Variants in RGL1 observed in about 807,000 individuals in gnomAD.
The protein encoded by RGL1 is ral guanine nucleotide dissociation stimulator-like 1.
A neutral mutation model predicts 95.2 loss-of-function variants in RGL1; 24 were observed. That is an observed-to-expected ratio of 0.25 (90% CI 0.18 to 0.35). The LOEUF (loss-of-function observed/expected upper bound fraction) is 0.35, where lower values mean the gene tolerates loss of function less well. Among genes scored for constraint, RGL1 ranks in the 10% least tolerant of loss-of-function variants. The pLI is 1.00. For missense variants in RGL1, 715 were observed against 936.3 expected (o/e 0.76, Z 3.08); for synonymous variants, 329 against 344.9 (o/e 0.95, Z 0.51).
At chr1:183,769,430 T>G (rs1926835) in intron 2 of RGL1, among the ~76,000 whole-genome samples, 5 of 152,208 alleles carry the variant, frequency 3.3e-5, no homozygotes, top group Admixed American at 6.5e-5. Context: ...ACTTTTATCT[T>G]ACCAATAATT....
At chr1:183,858,469 G>A (rs1193656856) in intron 3 of RGL1, among the ~76,000 whole-genome samples, 25 of 152,136 alleles carry the variant, frequency 1.6e-4, no homozygotes. Flanking sequence ...ATGAATGAGA[G>A]GTGGGCACTG....
At chr1:183,741,986 G>A in intron 1 of RGL1, 2 of 578,032 alleles carry the variant, frequency 3.5e-6, no homozygotes, top group East Asian at 2.9e-5. Context: ...ATATAAAAGT[G>A]GCCATAAAAG....
chr1:183,865,610 A>G (rs1286765859), intron 3 of RGL1, among the ~76,000 whole-genome samples: 1 of 152,202 alleles, frequency 6.6e-6, no homozygotes, highest in African/African-American at 2.4e-5. Flanking sequence ...TCCCTTGCAT[A>G]GACATGCAGA....
chr1:183,741,565 A>G (rs1451419196), intron 1 of RGL1, among the ~76,000 whole-genome samples: 2 of 152,250 alleles, frequency 1.3e-5, no homozygotes, highest in Non-Finnish European at 2.9e-5. Flanking sequence ...TTCAGACACT[A>G]CGTTGTAATA....
chr1:183,766,489 A>G (rs550987935), intron 2 of RGL1, among the ~76,000 whole-genome samples: 1 of 152,320 alleles, frequency 6.6e-6, no homozygotes, highest in East Asian at 1.9e-4. Flanking sequence ...CTTTGTACCC[A>G]TATCAAGTTT....
intron 3 of RGL1, among the ~76,000 whole-genome samples, chr1:183,857,198 G>T (rs944804562): frequency 1.3e-5 from 2 of 152,296 alleles, no homozygotes; most frequent in South Asian, 2.1e-4. Context: ...TAGATGCTAT[G>T]TTGCTGGCTT....
chr1:183,887,138 C>G (rs1046755613), intron 7 of RGL1, among the ~76,000 whole-genome samples: 1 of 63,766 alleles, frequency 1.6e-5, no homozygotes, highest in Non-Finnish European at 3.4e-5. Context: ...CAGAACATTT[C>G]TCTTGTTCTC....
intron 5 of RGL1, among the ~76,000 whole-genome samples, chr1:183,882,728 G>C (rs1384392117): frequency 6.6e-6 from 1 of 152,174 alleles, no homozygotes; most frequent in Non-Finnish European, 1.5e-5. Context: ...CTGCCCTAAA[G>C]GGGAAGTGGT....
At chr1:183,727,842 G>A (rs1050127705) in intron 1 of RGL1, among the ~76,000 whole-genome samples, 16 of 152,158 alleles carry the variant, frequency 1.1e-4, no homozygotes, top group East Asian at 3.8e-4. Flanking sequence ...ATTTGCAATA[G>A]CATCTCAAAG....
chr1:183,684,768 A>T (rs898912386), intron 1 of RGL1, among the ~76,000 whole-genome samples: 7 of 152,168 alleles, frequency 4.6e-5, no homozygotes, highest in African/African-American at 1.7e-4. Context: ...ACCATGGGAA[A>T]AGCGTAGTGT....
Position 183,651,022 on chromosome 1 carries a change from A to G in RGL1, c.-33+14521A>G, listed in dbSNP as rs565226718. Among the ~76,000 whole-genome samples, 6 of 152,320 alleles carry G rather than the reference A, an allele frequency of 3.9e-5. No individual in the cohort carries two copies. The East Asian group carries it at 1.2e-3, about 29-fold the overall frequency. On this transcript the variant is annotated intron_variant, in intron 1 of 18. Coordinates refer to the RGL1 transcript ENST00000304685. ...TGCAAGACATTTTTATGCATCAAGA[A>G]TATTAAATCTGCCACATTTGCTGCT... is the stretch of plus-strand genomic sequence containing the variant.
At chr1:183,763,447 G>A (rs1302782625) in intron 2 of RGL1, among the ~76,000 whole-genome samples, 1 of 152,136 alleles carries the variant, frequency 6.6e-6, no homozygotes, top group Non-Finnish European at 1.5e-5. Context: ...AAAACAAGCT[G>A]CCTATACTTT....
chr1:183,828,624 A>G (rs956535966), intron 2 of RGL1, among the ~76,000 whole-genome samples: 9 of 152,198 alleles, frequency 5.9e-5, no homozygotes, highest in African/African-American at 2.2e-4. Flanking sequence ...TTTGAGCCTC[A>G]GTGTCCTCAT....
At chr1:183,818,155 C>T (rs910820905) in intron 2 of RGL1, among the ~76,000 whole-genome samples, 5 of 152,116 alleles carry the variant, frequency 3.3e-5, no homozygotes, top group African/African-American at 1.2e-4. Context: ...AGTGCCCAAC[C>T]CCAACCTGAA....
At chr1:183,651,113 AC>A (rs1358280588) in intron 1 of RGL1, among the ~76,000 whole-genome samples, 1 of 152,154 alleles carries the variant, frequency 6.6e-6, no homozygotes, top group Admixed American at 6.5e-5. Context: ...ACCAAATTTT[AC>A]ATTTTTATGT....
intron 2 of RGL1, among the ~76,000 whole-genome samples, chr1:183,835,475 A>G (rs4146995): frequency 0.36 from 55,079 of 152,064 alleles, 11,148 homozygotes; most frequent in Non-Finnish European, 0.46. Context: ...GTAGTTTCTC[A>G]TGCAGAAGCC....
intron 2 of RGL1, among the ~76,000 whole-genome samples, chr1:183,840,751 CT>C (rs1664005089): frequency 1.3e-5 from 2 of 151,634 alleles, no homozygotes; most frequent in Non-Finnish European, 2.9e-5. Context: ...AATAAATTAG[CT>C]GGGGTGGTGC....
intron 4 of RGL1, among the ~76,000 whole-genome samples, chr1:183,875,252 T>G (rs141709940): frequency 2.6e-4 from 39 of 152,364 alleles, no homozygotes; most frequent in African/African-American, 9.1e-4. Flanking sequence ...TAATCCTATT[T>G]CTTGGCTCAG....
At chr1:183,815,866 C>T (rs549432559) in intron 2 of RGL1, among the ~76,000 whole-genome samples, 3 of 152,128 alleles carry the variant, frequency 2.0e-5, no homozygotes, top group Non-Finnish European at 4.4e-5. Context: ...ACCATCAGGG[C>T]CCTCTAGAAC....
Sources: gnomAD v4.1 joint callset for allele counts (sites outside exome capture counted in the v4.1 genomes callset) on GRCh38, gnomAD v4.1.1 for gene constraint, MANE v1.5 for transcripts, NCBI Gene and HGNC (gene_info 2026-07-23, HGNC 2026-07-21) for gene names.